The following MTARC2 variants were observed in gnomAD, a reference collection of about 807,000 sequenced individuals.
MTARC2 encodes MOCO sulphurase C-terminal domain containing 2.
A neutral mutation model predicts 35.6 loss-of-function variants in MTARC2; 27 were observed. The observed-to-expected ratio is 0.76, with a 90% CI of 0.56 to 1.04. The LOEUF is 1.04. Ranked by LOEUF, MTARC2 falls within the 50% of genes least tolerant of loss-of-function variation. The probability of loss-of-function intolerance (pLI) is 0.00; values close to 1 mark genes in which losing one functional copy is unlikely to be tolerated. For missense variants in MTARC2, 412 were observed against 432.5 expected (o/e 0.95, Z 0.42); for synonymous variants, 158 against 167.1 (o/e 0.95, Z 0.42).
At chr1:220,772,004 T>C (rs987672613) in intron 4 of MTARC2, among the ~76,000 whole-genome samples, 1 of 152,236 alleles carries the variant, frequency 6.6e-6, no homozygotes, top group Non-Finnish European at 1.5e-5. Flanking sequence ...TTATACAATA[T>C]TGTAGAAATA....
rs1182256601 is a variant in MTARC2, at chr1:220,784,601, T to C, written c.*714T>C. On this transcript the variant is annotated 3_prime_UTR_variant, in exon 8 of 8. Transcript: ENST00000366913. ...AGTAAGATAAGGAAGAGGATGACAT[T>C]TAAAAGAGAATGGAATTTTGAGAGT... 6.6e-6 allele frequency: 1 copy of C among 152,186 alleles called. No homozygotes were observed. Among genetic ancestry groups the C allele is most frequent in the Admixed American group, 6.5e-5 (1 of 15,278 alleles). 9.4% of individuals were successfully genotyped at this position (152,186 alleles called of 1,614,324 possible). A position where few individuals can be genotyped will look rare whatever the true frequency, so the allele number is the denominator to read the frequency against.
chr1:220,748,563 G>A lies in MTARC2; in HGVS notation c.32G>A (p.Arg11His). Reference sequence around the variant, plus strand: ...GCTTCCAGCTCCTCCGCGCTGGCCCGCCTCGGCCTCCCAGCCCGGCCCTGG... The same window carrying A: ...GCTTCCAGCTCCTCCGCGCTGGCCCACCTCGGCCTCCCAGCCCGGCCCTGG... MGASSSSALA[R>H]LGLPARPWPR... The change falls in exon 1 of 8, where the codon CGC (arginine) becomes CAC (histidine). Residue 11 changes from arginine (R) to histidine (H), a missense_variant. Coordinates refer to ENST00000366913, the MANE Select transcript of MTARC2 (RefSeq NM_017898.5). The A allele has an allele frequency of 6.9e-7, 1 of 1,440,258 alleles. No homozygotes were observed. Among genetic ancestry groups the A allele is most frequent in the Non-Finnish European group, 9.0e-7 (1 of 1,105,182 alleles). The allele number at this position is 1,440,258 out of a possible 1,614,324, so 89.2% of individuals were successfully genotyped here. A position where few individuals can be genotyped will look rare whatever the true frequency, so the allele number is the denominator to read the frequency against.
chr1:220,755,065 G>T lies in MTARC2; in HGVS notation c.391G>T (p.Asp131Tyr). ...NCLIFRAPDM[D>Y]QLVLPSKQPS... Reference sequence around the variant, plus strand: ...CCTGATCTTCAGGGCTCCAGACATGGACCAGCTGGTTTTGCCTAGCAAGCA... The same window carrying T: ...CCTGATCTTCAGGGCTCCAGACATGTACCAGCTGGTTTTGCCTAGCAAGCA... The change falls in exon 2 of 8, where the codon GAC becomes TAC. Residue 131 changes from aspartate to tyrosine, a missense_variant. Physicochemically the swap from Asp to Tyr is radical, Grantham distance 160 (BLOSUM62 -3). Transcript: ENST00000366913. 1.2e-6 allele frequency: 2 copies of T among 1,612,996 alleles called. No homozygotes were observed. The highest frequency in any genetic ancestry group is 1.7e-6 in the Non-Finnish European group (2 of 1,179,534).
At chr1:220,774,251 G>A (rs1671829296) in intron 4 of MTARC2, among the ~76,000 whole-genome samples, 1 of 152,028 alleles carries the variant, frequency 6.6e-6, no homozygotes, top group African/African-American at 2.4e-5. Flanking sequence ...AATTTTGGGA[G>A]ACACGAGGTT....
chr1:220,769,771 T>C (rs1236471155), intron 4 of MTARC2, among the ~76,000 whole-genome samples: 1 of 151,628 alleles, frequency 6.6e-6, no homozygotes, highest in Non-Finnish European at 1.5e-5. Context: ...TCTGTGTATG[T>C]GTGGTCGGTA....
At chr1:220,754,874 T>C (rs1326100554) in intron 1 of MTARC2, 73 bp from the exon 2 acceptor site, 1 of 1,385,210 alleles carries the variant, frequency 7.2e-7, no homozygotes, top group Admixed American at 2.2e-5. Context: ...TCTGAGGAAG[T>C]AGAAAGCTGG....
At chr1:220,755,249 G>A in intron 2 of MTARC2, 129 bp downstream of exon 2, 4 of 1,027,806 alleles carry the variant, frequency 3.9e-6, no homozygotes, top group South Asian at 4.0e-5. Context: ...TTTAAGAGAA[G>A]TGCAGTTTGA....
chr1:220,757,750 T>C (rs1167310283), intron 2 of MTARC2, among the ~76,000 whole-genome samples: 2 of 152,154 alleles, frequency 1.3e-5, no homozygotes, highest in African/African-American at 4.8e-5. Context: ...TTACCTCCCA[T>C]AGGCCCCACA....
intron 4 of MTARC2, among the ~76,000 whole-genome samples, chr1:220,771,516 C>T (rs1329528175): frequency 2.0e-5 from 3 of 152,150 alleles, no homozygotes; most frequent in Non-Finnish European, 4.4e-5. Flanking sequence ...TGGGTCTCCA[C>T]ACAGTGCCGT....
intron 4 of MTARC2, among the ~76,000 whole-genome samples, chr1:220,765,595 C>T (rs1671558875): frequency 6.6e-6 from 1 of 152,140 alleles, no homozygotes; most frequent in African/African-American, 2.4e-5. Context: ...TTTTTTGAGA[C>T]AAGATCTCAC....
chr1:220,780,027 G>C lies in MTARC2; in HGVS notation c.760G>C (p.Asp254His), dbSNP rs755082617. Residue 254 changes from aspartate to histidine, a missense_variant, in exon 5 of 8, where the codon GAT (aspartate) becomes CAT (histidine). Transcript: ENST00000366913. The stretch of plus-strand genomic sequence containing the variant: ...TTCTCTTTTCTCTTAGGATACCTGG[G>C]ATGAACTCCTAATTGGTAGTGTAGA... ...GCDAFEEDTW[D>H]ELLIGSVEVK... 6 of 1,533,274 alleles carry C rather than the reference G, an allele frequency of 3.9e-6. No individual in the cohort carries two copies. Among genetic ancestry groups the C allele is most frequent in the African/African-American group, 1.4e-5 (1 of 69,952 alleles). 95.0% of individuals were successfully genotyped at this position (1,533,274 alleles called of 1,614,324 possible).
chr1:220,771,927 A>C lies in MTARC2; in HGVS notation c.751-8091A>C, dbSNP rs550491505. ...CCAGAACTTAAAGTAAAATTAAAAA[A>C]AATTCTTCATCATCATACTATTAAA... On this transcript the variant is annotated intron_variant, in intron 4 of 7. Coordinates refer to ENST00000366913, the MANE Select transcript of MTARC2 (RefSeq NM_017898.5). 3.2e-4 allele frequency among the ~76,000 whole-genome samples: 48 copies of C among 152,366 alleles called. No individual in the cohort carries two copies. The South Asian group carries it at 9.7e-3, about 31-fold the overall frequency.
At position 220,754,988 on chromosome 1, in the gene MTARC2, C is replaced by A; in HGVS notation, c.314C>A (p.Ala105Asp). 2 of 1,610,004 alleles carry A rather than the reference C, an allele frequency of 1.2e-6. No individual in the cohort carries two copies. Among genetic ancestry groups the A allele is most frequent in the South Asian group, 1.1e-5 (1 of 90,342 alleles). The stretch of plus-strand genomic sequence containing the variant: ...AAGGAAGATGGACACATGGTCACTG[C>A]CCGACAGGAGCCTCGCCTCGTGCTC... The part of the protein sequence containing the change: ...VIKEDGHMVT[A>D]RQEPRLVLIS... The change falls in exon 2 of 8, where the codon GCC (alanine) becomes GAC (aspartate). Residue 105 changes from alanine (A) to aspartate (D), a missense_variant. By Grantham distance (126) the Ala-to-Asp change is moderately radical. Coordinates refer to ENST00000366913, the MANE Select transcript of MTARC2 (RefSeq NM_017898.5).
chr1:220,768,101 C>T (rs965768254), intron 4 of MTARC2, among the ~76,000 whole-genome samples: 9 of 152,216 alleles, frequency 5.9e-5, no homozygotes, highest in Non-Finnish European at 1.2e-4. Flanking sequence ...ACACTTACTA[C>T]GTTACAGGCA....
At chr1:220,764,653 G>A (rs549619367) in intron 4 of MTARC2, among the ~76,000 whole-genome samples, 4 of 152,198 alleles carry the variant, frequency 2.6e-5, no homozygotes, top group African/African-American at 4.8e-5. Flanking sequence ...GCCAGGTATG[G>A]TGGTGCGTGC....
intron 4 of MTARC2, among the ~76,000 whole-genome samples, chr1:220,773,683 A>G (rs1671806979): frequency 6.6e-6 from 1 of 152,124 alleles, no homozygotes; most frequent in Non-Finnish European, 1.5e-5. Context: ...GGTGTCAGAG[A>G]ATTGCAGAAA....
At position 220,748,495 on chromosome 1, in the gene MTARC2, G is replaced by C; in HGVS notation, c.-37G>C. The C allele has an allele frequency of 7.3e-7, 1 of 1,367,686 alleles. No homozygotes were observed. The highest frequency in any genetic ancestry group is 9.3e-7 in the Non-Finnish European group (1 of 1,071,164). 84.7% of individuals were successfully genotyped at this position (1,367,686 alleles called of 1,614,324 possible). A position where few individuals can be genotyped will look rare whatever the true frequency, so the allele number is the denominator to read the frequency against. ...TCCTCCCGGTCTCCGGTCGCTGCCG[G>C]GTCTGTGCGCCGGTCCGCGCCCGCC... On this transcript the variant is annotated 5_prime_UTR_variant, in exon 1 of 8. Transcript: ENST00000366913.
intron 4 of MTARC2, among the ~76,000 whole-genome samples, chr1:220,776,270 G>A (rs1275835142): frequency 6.6e-6 from 1 of 152,122 alleles, no homozygotes; most frequent in Non-Finnish European, 1.5e-5. Context: ...TTTCCCTAGT[G>A]ATCAGTGATA....
At chr1:220,771,819 T>C (rs1237298087) in intron 4 of MTARC2, among the ~76,000 whole-genome samples, 1 of 152,070 alleles carries the variant, frequency 6.6e-6, no homozygotes, top group Non-Finnish European at 1.5e-5. Context: ...GCTTAAAACC[T>C]AGATGATGGG....
Sources: allele counts gnomAD v4.1 joint callset (sites outside exome capture counted in the v4.1 genomes callset), GRCh38; gene constraint gnomAD v4.1.1; transcripts MANE v1.5; gene names NCBI Gene and HGNC (gene_info 2026-07-23, HGNC 2026-07-21).